Variants in ANPEP observed in about 807,000 individuals in gnomAD.
ANPEP encodes the protein aminopeptidase N.
In ANPEP, 70 loss-of-function variants were observed where a neutral mutation model predicts 114.6. The ratio of observed to expected loss-of-function variants is 0.61; its 90% CI spans 0.50 to 0.75. The LOEUF (loss-of-function observed/expected upper bound fraction) is 0.75, where lower values mean the gene tolerates loss of function less well. Among genes scored for constraint, ANPEP ranks in the 30% least tolerant of loss-of-function variants. The pLI, the probability that ANPEP is intolerant of heterozygous loss-of-function variation, is 0.00. For missense variants in ANPEP, 1,184 were observed against 1,259.5 expected (o/e 0.94, Z 0.91); for synonymous variants, 548 against 522.3 (o/e 1.05, Z -0.67).
In ANPEP at chr15:89,806,290, C is replaced by G; in HGVS notation, c.294G>C (p.Arg98Ser). 1 of 1,614,156 alleles carries G rather than the reference C, an allele frequency of 6.2e-7. No homozygotes were observed. Among genetic ancestry groups the G allele is most frequent in the Non-Finnish European group, 8.5e-7 (1 of 1,180,040 alleles). The change falls in exon 2 of 21, where the codon AGG (arginine) becomes AGC (serine). Residue 98 changes from arginine to serine, a missense_variant. Arg to Ser is a moderately radical substitution (Grantham distance 110). Transcript: ENST00000300060. This position sits in a 1 kb window ranked among gnomAD's most constrained non-coding sequence, Gnocchi z 5.7. ...TLRPYLTPND[R>S]GLYVFKGSST... Reference sequence around the variant, plus strand: ...TGGAGCCCTTAAAAACGTACAGGCCCCTGTCATTGGGGGTGAGGTACGGTC... The same window carrying G: ...TGGAGCCCTTAAAAACGTACAGGCCGCTGTCATTGGGGGTGAGGTACGGTC...
Position 89,799,392 on chromosome 15 carries a change from G to GC in ANPEP, c.1953+33dup. On this transcript the variant is annotated intron_variant, in intron 13 of 20. Coordinates refer to ENST00000300060, the MANE Select transcript of ANPEP (RefSeq NM_001150.3). This position sits in a 1 kb window ranked among gnomAD's most constrained non-coding sequence, Gnocchi z 4.2. ...CTTGCAGTCTGGTGCCTGTCCTGGGGCAGGGGGCAGGGCGAGGGGTGGCAG... is the reference window on the plus strand; with the variant it reads ...CTTGCAGTCTGGTGCCTGTCCTGGGGCCAGGGGGCAGGGCGAGGGGTGGCAG... 2 of 1,614,022 alleles carry GC rather than the reference G, an allele frequency of 1.2e-6. No homozygotes were observed. Among genetic ancestry groups the GC allele is most frequent in the Non-Finnish European group, 1.7e-6 (2 of 1,179,908 alleles).
intron 15 of ANPEP, among the ~76,000 whole-genome samples, chr15:89,794,875 C>T (rs1228175313): frequency 6.6e-6 from 1 of 152,170 alleles, no homozygotes; most frequent in Non-Finnish European, 1.5e-5. Flanking sequence ...CTCGAGAGAA[C>T]AAACCCATGG....
rs1332158961 is a variant in ANPEP, at chr15:89,805,316, C to T, written c.757+5G>A. 1 of 1,613,418 alleles carries T rather than the reference C, an allele frequency of 6.2e-7. No homozygotes were observed. Among genetic ancestry groups the T allele is most frequent in the African/African-American group, 1.3e-5 (1 of 74,922 alleles). On this transcript the variant is annotated splice_donor_5th_base_variant and intron_variant, in intron 3 of 20. Coordinates refer to ENST00000300060, the MANE Select transcript of ANPEP (RefSeq NM_001150.3). The stretch of plus-strand genomic sequence containing the variant: ...GCCCTGTGGCCGCAGGCAGGGCCCA[C>T]TCACCTTTGGGAAGCATGTTGGACA...
Position 89,799,565 on chromosome 15 carries a change from G to A in ANPEP, c.1820-6C>T. On this transcript the variant is annotated splice_polypyrimidine_tract_variant and splice_region_variant and intron_variant, in intron 12 of 20. Transcript: ENST00000300060. This position sits in a 1 kb window ranked among gnomAD's most constrained non-coding sequence, Gnocchi z 4.2. ...GCTGAAGAGATCGTTCTGGGCTGTG[G>A]AGAGGGACGAGACCTGGGCAGGGCT... 3 of 1,614,190 alleles carry A rather than the reference G, an allele frequency of 1.9e-6. No homozygotes were observed. Among genetic ancestry groups the A allele is most frequent in the South Asian group, 1.1e-5 (1 of 91,086 alleles).
chr15:89,798,614 G>A (rs1968773706), intron 14 of ANPEP, among the ~76,000 whole-genome samples: 2 of 151,528 alleles, frequency 1.3e-5, no homozygotes, highest in South Asian at 4.2e-4. Flanking sequence ...TCCAGCCCGG[G>A]TGACAGAGCA....
intron 20 of ANPEP, among the ~76,000 whole-genome samples, 157 bp from the exon 21 acceptor site, chr15:89,785,658 G>A (rs564844812): frequency 1.3e-5 from 2 of 152,164 alleles, no homozygotes; most frequent in Admixed American, 6.5e-5. Flanking sequence ...CCTTGCTCCC[G>A]GGCAAAGTCC....
intron 15 of ANPEP, among the ~76,000 whole-genome samples, chr15:89,793,912 G>A (rs1321160700): frequency 6.6e-6 from 1 of 151,944 alleles, no homozygotes; most frequent in Non-Finnish European, 1.5e-5. Context: ...TGTAGTGTAA[G>A]CCCCACCCCA....
At position 89,799,111 on chromosome 15, in the gene ANPEP, C is replaced by A; in HGVS notation, c.2009+149G>T. 3 of 828,246 alleles carry A rather than the reference C, an allele frequency of 3.6e-6. No individual in the cohort carries two copies. Among genetic ancestry groups the A allele is most frequent in the Non-Finnish European group, 5.8e-6 (3 of 513,308 alleles). 51.3% of individuals were successfully genotyped at this position (828,246 alleles called of 1,614,324 possible). A position where few individuals can be genotyped will look rare whatever the true frequency, so the allele number is the denominator to read the frequency against. On this transcript the variant is annotated intron_variant, in intron 14 of 20. Transcript: ENST00000300060. The surrounding 1 kb of genome is among the most constrained non-coding windows in gnomAD (Gnocchi z 4.2). The stretch of plus-strand genomic sequence containing the variant: ...TCTGTGAAATGGGTGTGTGGGGACC[C>A]AGGGAGGGACGTCCAGGGAGCACAG...
At chr15:89,804,119 C>A in intron 6 of ANPEP, 117 bp from the exon 7 acceptor site, 1 of 1,543,112 alleles carries the variant, frequency 6.5e-7, no homozygotes, top group Non-Finnish European at 8.9e-7. Context: ...TCAACACCAT[C>A]GTGACCCCTT....
chr15:89,793,132 G>A lies in ANPEP; in HGVS notation c.2158-6C>T. The A allele has an allele frequency of 1.9e-6, 3 of 1,611,226 alleles. No homozygotes were observed. The highest frequency in any genetic ancestry group is 1.3e-5 in the African/African-American group (1 of 74,934). ...ACCTGCTTCTTCAGGTAGTTCTGGG[G>A]AAAAGAAAATATGAATCTCATCAAA... On this transcript the variant is annotated splice_region_variant and splice_polypyrimidine_tract_variant and intron_variant, in intron 15 of 20. Transcript: ENST00000300060.
At chr15:89,813,409 G>A (rs1238692778) in intron 1 of ANPEP, among the ~76,000 whole-genome samples, 1 of 152,222 alleles carries the variant, frequency 6.6e-6, no homozygotes, top group East Asian at 1.9e-4. Flanking sequence ...AGAAGGCTCT[G>A]GGGGAAGCAC....
intron 1 of ANPEP, among the ~76,000 whole-genome samples, chr15:89,813,711 G>A (rs946757697): frequency 2.0e-5 from 3 of 151,958 alleles, no homozygotes; most frequent in East Asian, 1.9e-4. Flanking sequence ...TACCCCACAC[G>A]CCCACCTCCC....
chr15:89,809,328 C>T (rs1894778798), intron 1 of ANPEP, among the ~76,000 whole-genome samples: 1 of 152,216 alleles, frequency 6.6e-6, no homozygotes. Flanking sequence ...ACAAGTCGGC[C>T]TGGACTAATC....
intron 15 of ANPEP, 78 bp from the exon 16 acceptor site, chr15:89,793,204 G>C: frequency 4.6e-6 from 6 of 1,318,058 alleles, no homozygotes; most frequent in Non-Finnish European, 6.5e-6. Flanking sequence ...TCTGATGTTG[G>C]GGGGCAGGCG....
intron 20 of ANPEP, among the ~76,000 whole-genome samples, chr15:89,785,710 CCTGGCTCAGGGAGATT>C (rs1023597963): frequency 6.6e-6 from 1 of 152,190 alleles, no homozygotes; most frequent in Non-Finnish European, 1.5e-5. Context: ...CCAGGCAAAA[CCTGGCTCAGGGAGATT>C]CTGGCCTTCA....
Position 89,792,510 on chromosome 15 carries a change from A to G in ANPEP, c.2302T>C (p.Cys768Arg). 6.2e-7 allele frequency: 1 copy of G among 1,613,844 alleles called. No homozygotes were observed. Among genetic ancestry groups the G allele is most frequent in the Non-Finnish European group, 8.5e-7 (1 of 1,179,964 alleles). The stretch of plus-strand genomic sequence containing the variant: ...AAAAGGCCAGAGACCATCTCCTCAC[A>G]CTCTGGAACTCCGTTGGAGCAGGCG... ...STACSNGVPE[C>R]EEMVSGLFKQ... Residue 768 changes from cysteine to arginine, a missense_variant, in exon 17 of 21, where the codon TGT becomes CGT. Coordinates refer to ENST00000300060, the MANE Select transcript of ANPEP (RefSeq NM_001150.3).
At chr15:89,795,188 A>G (rs1456689198) in intron 15 of ANPEP, among the ~76,000 whole-genome samples, 2 of 152,212 alleles carry the variant, frequency 1.3e-5, no homozygotes, top group African/African-American at 4.8e-5. Flanking sequence ...ATCAGAAAGA[A>G]CACTTGGAAA....
intron 11 of ANPEP, 106 bp downstream of exon 11, chr15:89,801,329 C>A (rs1894584979): frequency 3.2e-6 from 5 of 1,550,340 alleles, no homozygotes; most frequent in Non-Finnish European, 4.4e-6. Context: ...GGTCTGTCTA[C>A]AGTGGCTGGG....
Position 89,806,886 on chromosome 15 carries a change from G to A in ANPEP, c.-223-80C>T. ...CCGAGGGCTGAAGGGCAGGCTTCCG[G>A]CTGTAGGCCCAGTGGGCAAAGCAAG... On this transcript the variant is annotated intron_variant, in intron 1 of 20. Coordinates refer to ENST00000300060, the MANE Select transcript of ANPEP (RefSeq NM_001150.3). This position sits in a 1 kb window ranked among gnomAD's most constrained non-coding sequence, Gnocchi z 5.7. 1 of 363,470 alleles carries A rather than the reference G, an allele frequency of 2.8e-6. No homozygotes were observed. Among genetic ancestry groups the A allele is most frequent in the Non-Finnish European group, 5.1e-6 (1 of 196,482 alleles). The allele number at this position is 363,470 out of a possible 1,614,324, so 22.5% of individuals were successfully genotyped here. A position where few individuals can be genotyped will look rare whatever the true frequency, so the allele number is the denominator to read the frequency against.
Sources: gnomAD v4.1 joint callset for allele counts (sites outside exome capture counted in the v4.1 genomes callset) on GRCh38, gnomAD v4.1.1 for gene constraint, Gnocchi (gnomAD v3.1) non-coding constraint, MANE v1.5 for transcripts, NCBI Gene and HGNC (gene_info 2026-07-23, HGNC 2026-07-21) for gene names.